Variants in COL11A1 observed in about 807,000 individuals in gnomAD.
The protein encoded by COL11A1 is collagen alpha-1(XI) chain.
In COL11A1, 74 loss-of-function variants were observed where a neutral mutation model predicts 265.2. That is an observed-to-expected ratio of 0.28 (90% CI 0.23 to 0.34). The LOEUF is 0.34. Among genes scored for constraint, COL11A1 ranks in the 10% least tolerant of loss-of-function variants. COL11A1 has a pLI of 1.00. For missense variants in COL11A1, 2,165 were observed against 2,263.6 expected (o/e 0.96, Z 0.88); for synonymous variants, 816 against 727.6 (o/e 1.12, Z -1.96).
At chr1:103,071,289 G>C (rs1671564452) in intron 4 of COL11A1, among the ~76,000 whole-genome samples, 1 of 151,714 alleles carries the variant, frequency 6.6e-6, no homozygotes, top group Non-Finnish European at 1.5e-5. Context: ...TTGAAAACTT[G>C]AGCAATGGCT....
intron 4 of COL11A1, among the ~76,000 whole-genome samples, chr1:103,059,093 T>C (rs1396782648): frequency 1.3e-5 from 2 of 152,168 alleles, no homozygotes; most frequent in African/African-American, 2.4e-5. Flanking sequence ...TTTCAATTTG[T>C]AACAAGAGCA....
intron 1 of COL11A1, among the ~76,000 whole-genome samples, chr1:103,099,374 C>T (rs1674050977): frequency 1.3e-5 from 2 of 151,026 alleles, no homozygotes; most frequent in African/African-American, 4.9e-5. Context: ...TACTTTCTAA[C>T]TTGAAGAATG....
At chr1:102,985,409 G>A (rs1663441323) in intron 30 of COL11A1, among the ~76,000 whole-genome samples, 1 of 152,012 alleles carries the variant, frequency 6.6e-6, no homozygotes, top group African/African-American at 2.4e-5. Flanking sequence ...GTCTTCAGAT[G>A]GAAAATATCA....
rs182880032 is a variant in COL11A1 at position 103,006,924 on chromosome 1, T to C, written c.1684-609A>G. 6.4e-3 allele frequency among the ~76,000 whole-genome samples: 972 copies of C among 152,288 alleles called. 17 individuals are homozygous for C. Among genetic ancestry groups the C allele is most frequent in the African/African-American group, 0.022 (917 of 41,566 alleles). ...TCCCCAAACCTTGGGGTTTTACATT[T>C]CCCTTGATGGAACACACTCTTAACT... On this transcript the variant is annotated intron_variant, in intron 15 of 66. Coordinates refer to ENST00000370096, the MANE Select transcript of COL11A1 (RefSeq NM_001854.4).
chr1:103,014,375 G>C, intron 13 of COL11A1, 136 bp downstream of exon 13: 1 of 778,588 alleles, frequency 1.3e-6, no homozygotes, highest in Non-Finnish European at 2.2e-6. Context: ...AATTTTAGCA[G>C]TTTTCCAAGT....
chr1:103,033,188 A>G (rs1248325176), intron 4 of COL11A1, among the ~76,000 whole-genome samples: 1 of 152,066 alleles, frequency 6.6e-6, no homozygotes, highest in Non-Finnish European at 1.5e-5. Flanking sequence ...CCTCTTTTCA[A>G]GTAACATTCC....
intron 30 of COL11A1, 23 bp downstream of exon 30, chr1:102,987,610 T>G (rs1390003699): frequency 6.4e-7 from 1 of 1,555,428 alleles, no homozygotes; most frequent in Admixed American, 1.7e-5. Flanking sequence ...AGAGTACCAG[T>G]GAATTTAAAG....
chr1:102,887,110 G>T (rs1651093754), intron 62 of COL11A1, 54 bp from the exon 63 acceptor site: 3 of 1,605,440 alleles, frequency 1.9e-6, no homozygotes, highest in East Asian at 2.2e-5. Context: ...ATATTCTGCA[G>T]ATATTAATTA....
chr1:103,107,561 C>T (rs557198219), intron 1 of COL11A1, among the ~76,000 whole-genome samples: 1 of 148,282 alleles, frequency 6.7e-6, no homozygotes, highest in African/African-American at 2.5e-5. Flanking sequence ...TCTTATATCC[C>T]CAAAACTAAA....
chr1:103,084,819 T>G (rs769814649), intron 1 of COL11A1, among the ~76,000 whole-genome samples: 2 of 152,186 alleles, frequency 1.3e-5, no homozygotes, highest in Non-Finnish European at 2.9e-5. Flanking sequence ...TCAACTTTAA[T>G]GAAACCAATT....
At chr1:103,104,784 A>T (rs1391452330) in intron 1 of COL11A1, among the ~76,000 whole-genome samples, 2 of 152,214 alleles carry the variant, frequency 1.3e-5, no homozygotes, top group African/African-American at 4.8e-5. Context: ...AATATTAATG[A>T]GTTTAGCAAA....
In COL11A1 at chr1:102,977,149, T is replaced by C. The variant is rs373002142; in HGVS notation, c.2754+1559A>G. ...CCCTGAACTTTCCCCAACTCATATATTTTGAGGAAAATATTTTATGGCATT... is the reference window on the plus strand; with the variant it reads ...CCCTGAACTTTCCCCAACTCATATACTTTGAGGAAAATATTTTATGGCATT... On this transcript the variant is annotated intron_variant, in intron 35 of 66. Coordinates refer to ENST00000370096, the MANE Select transcript of COL11A1 (RefSeq NM_001854.4). Among the ~76,000 whole-genome samples, 56 of 152,262 alleles carry C rather than the reference T, an allele frequency of 3.7e-4. 2 individuals are homozygous for C. The South Asian group carries it at 0.012, about 32-fold the overall frequency.
At chr1:102,891,385 A>C (rs1254418873) in intron 57 of COL11A1, among the ~76,000 whole-genome samples, 1 of 151,130 alleles carries the variant, frequency 6.6e-6, no homozygotes. Context: ...TTAATAAAGA[A>C]ATTTATTTTT....
chr1:102,941,322 TG>T (rs1658698883), intron 42 of COL11A1, among the ~76,000 whole-genome samples: 1 of 152,212 alleles, frequency 6.6e-6, no homozygotes, highest in South Asian at 2.1e-4. Flanking sequence ...AAAAACCTCC[TG>T]CCTTTCCCCA....
At chr1:102,915,745 T>G in intron 49 of COL11A1, 61 bp from the exon 50 acceptor site, 1 of 1,306,558 alleles carries the variant, frequency 7.7e-7, no homozygotes, top group Non-Finnish European at 1.1e-6. Flanking sequence ...ATTTATAAAA[T>G]TCAAATGTTA....
chr1:102,885,276 T>G (rs1460916498), intron 63 of COL11A1, among the ~76,000 whole-genome samples: 1 of 152,130 alleles, frequency 6.6e-6, no homozygotes, highest in Middle Eastern at 3.2e-3. Flanking sequence ...TTTTTTTTTA[T>G]AGGGGTGTCA....
At chr1:103,086,212 TA>T (rs1672842569) in intron 1 of COL11A1, among the ~76,000 whole-genome samples, 1 of 152,142 alleles carries the variant, frequency 6.6e-6, no homozygotes, top group Non-Finnish European at 1.5e-5. Flanking sequence ...TTTATCTGCT[TA>T]AATTATCTTA....
chr1:103,026,541 A>G (rs1244075763), intron 5 of COL11A1, among the ~76,000 whole-genome samples: 1 of 152,206 alleles, frequency 6.6e-6, no homozygotes, highest in Non-Finnish European at 1.5e-5. Flanking sequence ...ATTTCCTATG[A>G]GCAGAATAGT....
At chr1:102,951,781 T>C (rs1659913030) in intron 41 of COL11A1, among the ~76,000 whole-genome samples, 1 of 151,868 alleles carries the variant, frequency 6.6e-6, no homozygotes, top group African/African-American at 2.4e-5. Flanking sequence ...AAAATTAGGC[T>C]TCAAATGTAC....
Sources: allele counts gnomAD v4.1 joint callset (sites outside exome capture counted in the v4.1 genomes callset), GRCh38; gene constraint gnomAD v4.1.1; transcripts MANE v1.5; gene names NCBI Gene and HGNC (gene_info 2026-07-23, HGNC 2026-07-21).